Variants in P4HA2 observed in about 807,000 individuals in gnomAD.
The protein encoded by P4HA2 is prolyl 4-hydroxylase subunit alpha 2.
P4HA2 carries 46 observed loss-of-function variants against 76.9 expected under a neutral mutation model. The ratio of observed to expected loss-of-function variants is 0.60; its 90% CI spans 0.47 to 0.76. The LOEUF (loss-of-function observed/expected upper bound fraction) is 0.76, where lower values mean the gene tolerates loss of function less well. Ranked by LOEUF, P4HA2 falls within the 30% of genes least tolerant of loss-of-function variation. The pLI is 0.00. For synonymous variants in P4HA2, 243 were observed against 254.0 expected, an observed-to-expected ratio of 0.96 and a Z score of 0.41; for missense variants, 583 against 669.4, an observed-to-expected ratio of 0.87 and a Z score of 1.42.
intron 8 of P4HA2, among the ~76,000 whole-genome samples, chr5:132,205,851 A>T (rs371774718): frequency 1.3e-5 from 2 of 152,122 alleles, no homozygotes; most frequent in African/African-American, 2.4e-5. Flanking sequence ...TTGGCCTGAC[A>T]CCCACAAAGA....
intron 5 of P4HA2, 125 bp downstream of exon 5, chr5:132,213,791 G>T: frequency 1.2e-6 from 1 of 828,160 alleles, no homozygotes; most frequent in South Asian, 1.7e-5. Context: ...AGCACAAACT[G>T]GTGAGCCAAG....
intron 1 of P4HA2, among the ~76,000 whole-genome samples, chr5:132,218,937 TAC>T (rs1754283412): frequency 6.6e-6 from 1 of 152,146 alleles, no homozygotes; most frequent in African/African-American, 2.4e-5. Context: ...CGCAGTGGGG[TAC>T]AGTCAGCTCG....
chr5:132,202,973 T>G (rs1751723468), intron 10 of P4HA2: 1 of 152,246 alleles, frequency 6.6e-6, no homozygotes, highest in South Asian at 2.1e-4. Context: ...GTTTTTCCCT[T>G]CAGGCTGGAA....
chr5:132,218,474 G>A (rs1754223575), intron 2 of P4HA2, 71 bp downstream of exon 2: 2 of 1,069,200 alleles, frequency 1.9e-6, no homozygotes, highest in Non-Finnish European at 2.9e-6. Flanking sequence ...AATGAGAACA[G>A]GCTGCAGCCA....
At chr5:132,214,841 G>A (rs933085734) in intron 4 of P4HA2, among the ~76,000 whole-genome samples, 12 of 152,176 alleles carry the variant, frequency 7.9e-5, no homozygotes, top group Admixed American at 3.3e-4. Flanking sequence ...AGCCTGAAGC[G>A]TGGGAGAGCT....
intron 1 of P4HA2, among the ~76,000 whole-genome samples, chr5:132,220,215 C>T (rs1580748053): frequency 6.6e-6 from 1 of 152,246 alleles, no homozygotes; most frequent in African/African-American, 2.4e-5. Flanking sequence ...CAAGGCCTTA[C>T]TATACTGTCT....
chr5:132,213,865 GC>G, intron 5 of P4HA2, 50 bp downstream of exon 5: 1 of 1,590,762 alleles, frequency 6.3e-7, no homozygotes, highest in Non-Finnish European at 8.6e-7. Context: ...AACCTGTCCC[GC>G]CACTAAAGAG....
intron 10 of P4HA2, chr5:132,201,669 C>A (rs1242160510): frequency 1.3e-5 from 2 of 152,202 alleles, no homozygotes; most frequent in African/African-American, 4.8e-5. Flanking sequence ...AGATCCTTAA[C>A]TATAAGAGCC....
At position 132,191,199 on chromosome 5, in the gene P4HA2, C is replaced by T. The variant is rs1415903403; in HGVS notation, c.*1811G>A. Among the ~76,000 whole-genome samples, 1 of 152,216 alleles carries T rather than the reference C, an allele frequency of 6.6e-6. No homozygotes were observed. The highest frequency in any genetic ancestry group is 2.4e-5 in the African/African-American group (1 of 41,460). ...TCCCAAGGGCTCCGCATCCTAATAT[C>T]ATCACATTGGGGGTTAAGATTTCAA... On this transcript the variant is annotated 3_prime_UTR_variant, in exon 15 of 15. Transcript: ENST00000360568.
intron 9 of P4HA2, 116 bp from the exon 10 acceptor site, chr5:132,203,963 G>A: frequency 1.8e-6 from 2 of 1,137,284 alleles, no homozygotes; most frequent in Non-Finnish European, 2.7e-6. Context: ...GATGCCTGCT[G>A]CAAGGGGGTG....
At chr5:132,225,797 T>C (rs57543228) in intron 1 of P4HA2, among the ~76,000 whole-genome samples, 1,892 of 152,240 alleles carry the variant, frequency 0.012, 36 homozygotes, top group African/African-American at 0.042. Context: ...TTCGACAGGA[T>C]ACAAGGGCCT....
At chr5:132,212,422 C>T (rs1753210297) in intron 5 of P4HA2, among the ~76,000 whole-genome samples, 1 of 152,062 alleles carries the variant, frequency 6.6e-6, no homozygotes, top group Non-Finnish European at 1.5e-5. Flanking sequence ...GCACGGAAGA[C>T]ATGAGAGAAG....
intron 1 of P4HA2, among the ~76,000 whole-genome samples, chr5:132,221,472 A>G (rs1391507689): frequency 6.6e-6 from 1 of 152,222 alleles, no homozygotes; most frequent in East Asian, 1.9e-4. Context: ...CTATACAATG[A>G]GTTTTTATGG....
rs529413986 is a variant in P4HA2 at position 132,197,383 on chromosome 5, G to A, written c.1365+938C>T. ...AGCACTTTGGGAGGCCGAGGGGGGC[G>A]GATCACCTGAGGTCGGGAGTTTGAG... is the stretch of plus-strand genomic sequence containing the variant. On this transcript the variant is annotated intron_variant, in intron 12 of 14. Coordinates refer to ENST00000360568, the MANE Select transcript of P4HA2 (RefSeq NM_001017974.2). 3.9e-5 allele frequency among the ~76,000 whole-genome samples: 6 copies of A among 152,212 alleles called. 1 individual carries two copies. The highest frequency in any genetic ancestry group is 6.8e-3 in the Middle Eastern group (2 of 294).
chr5:132,221,175 T>A (rs1754608585), intron 1 of P4HA2, among the ~76,000 whole-genome samples: 1 of 152,176 alleles, frequency 6.6e-6, no homozygotes, highest in Non-Finnish European at 1.5e-5. Flanking sequence ...TAGGTGAAAG[T>A]ATGTGTACCT....
chr5:132,203,972 T>A, intron 9 of P4HA2, 110 bp downstream of exon 9: 1 of 1,135,930 alleles, frequency 8.8e-7, no homozygotes, highest in Non-Finnish European at 1.3e-6. Flanking sequence ...TGCAAGGGGG[T>A]GAGGAGGTGC....
Position 132,218,206 on chromosome 5 carries a change from G to A in P4HA2, c.82+339C>T, listed in dbSNP as rs1474367335. Among the ~76,000 whole-genome samples, 4 of 152,174 alleles carry A rather than the reference G, an allele frequency of 2.6e-5. No individual in the cohort carries two copies. The South Asian group carries it at 8.3e-4, about 31-fold the overall frequency. On this transcript the variant is annotated intron_variant, in intron 2 of 14. Transcript: ENST00000360568. The stretch of plus-strand genomic sequence containing the variant: ...GATAAAAAGCTCTGAACTTTAGGTC[G>A]GAAGGATAGGAAAAGCTTGATCCTC...
chr5:132,210,580 G>C (rs1168763989), intron 5 of P4HA2, 57 bp from the exon 6 acceptor site: 48 of 1,597,132 alleles, frequency 3.0e-5, no homozygotes, highest in Non-Finnish European at 4.0e-5. Context: ...TAGGGAAAGA[G>C]ATTCCCACTT....
At chr5:132,222,111 A>G (rs1165519138) in intron 1 of P4HA2, 2 of 152,268 alleles carry the variant, frequency 1.3e-5, no homozygotes, top group Non-Finnish European at 2.9e-5. Flanking sequence ...AGTTTTAACA[A>G]TGTATTTAAC....
Sources: gnomAD v4.1 joint callset for allele counts (sites outside exome capture counted in the v4.1 genomes callset) on GRCh38, gnomAD v4.1.1 for gene constraint, MANE v1.5 for transcripts, NCBI Gene and HGNC (gene_info 2026-07-23, HGNC 2026-07-21) for gene names.